Variants in TMEM131 observed in about 807,000 individuals in gnomAD.
The protein encoded by TMEM131 is transmembrane protein 131.
In TMEM131, 66 loss-of-function variants were observed where a neutral mutation model predicts 211.6. The observed-to-expected ratio is 0.31, with a 90% CI of 0.26 to 0.38. The LOEUF (loss-of-function observed/expected upper bound fraction) is 0.38. Ranked by LOEUF, TMEM131 falls within the 10% of genes least tolerant of loss-of-function variation. TMEM131 has a pLI of 1.00. For missense variants in TMEM131, 2,036 were observed against 2,299.3 expected, an observed-to-expected ratio of 0.89 and a Z score of 2.34; for synonymous variants, 844 against 841.3, an observed-to-expected ratio of 1.00 and a Z score of -0.06.
intron 3 of TMEM131, among the ~76,000 whole-genome samples, chr2:97,893,160 TG>T (rs1315174597): frequency 6.6e-6 from 1 of 152,160 alleles, no homozygotes; most frequent in African/African-American, 2.4e-5. Flanking sequence ...TCTGTTCTTG[TG>T]TTAGTTTGCT....
intron 11 of TMEM131, among the ~76,000 whole-genome samples, chr2:97,824,842 C>T (rs2105022809): frequency 6.6e-6 from 1 of 152,340 alleles, no homozygotes; most frequent in Middle Eastern, 3.4e-3. Context: ...ATGCAGCAGT[C>T]CCTGCAACAC....
chr2:97,894,567 G>T (rs1279884952), intron 3 of TMEM131, among the ~76,000 whole-genome samples: 2 of 152,142 alleles, frequency 1.3e-5, no homozygotes, highest in African/African-American at 4.8e-5. Flanking sequence ...TTGAGCAGTG[G>T]TTTGTAGTTC....
chr2:97,855,227 A>G (rs75053857), intron 5 of TMEM131, among the ~76,000 whole-genome samples: 2,134 of 152,332 alleles, frequency 0.014, 139 homozygotes, highest in East Asian at 0.1. Context: ...AAAAGTAACA[A>G]GTGCTTATTT....
intron 1 of TMEM131, among the ~76,000 whole-genome samples, chr2:97,950,376 A>G (rs570864332): frequency 1.3e-5 from 2 of 152,212 alleles, no homozygotes; most frequent in Non-Finnish European, 2.9e-5. Context: ...CAATTTAAAA[A>G]CAGTCAAAGT....
intron 1 of TMEM131, among the ~76,000 whole-genome samples, chr2:97,967,499 T>C (rs1679109454): frequency 6.6e-6 from 1 of 150,620 alleles, no homozygotes; most frequent in Non-Finnish European, 1.5e-5. Flanking sequence ...TACAGACAAA[T>C]TGTCAGAAAG....
Position 97,762,194 on chromosome 2 carries a change from T to C in TMEM131, c.4730A>G (p.Asp1577Gly). 2 of 1,613,968 alleles carry C rather than the reference T, an allele frequency of 1.2e-6. No homozygotes were observed. Among genetic ancestry groups the C allele is most frequent in the Non-Finnish European group, 1.7e-6 (2 of 1,179,876 alleles). ...TTGCAGAGAAAGTTTATAAAGACTA[T>C]CAGTAGCTGGAAATTAAAAACAAAC... ...VPVHKPGSST[D>G]SLYKLSLQTL... Residue 1577 changes from aspartate (D) to glycine (G), a missense_variant, in exon 36 of 41, where the codon GAT (aspartate) becomes GGT (glycine). This residue lies in a region of TMEM131 where 1,623 missense variants were observed against 1,805.9 expected (regional missense o/e 0.90). Transcript: ENST00000186436.
intron 1 of TMEM131, among the ~76,000 whole-genome samples, chr2:97,931,135 CA>C (rs1272838704): frequency 6.6e-6 from 1 of 151,678 alleles, no homozygotes; most frequent in Admixed American, 6.6e-5. Context: ...TTTAATTGGG[CA>C]TATATTTCTG....
rs762513187 is a variant in TMEM131 at position 97,760,687 on chromosome 2, C to T, written c.5014G>A (p.Gly1672Arg). 7 of 1,613,982 alleles carry T rather than the reference C, an allele frequency of 4.3e-6. No homozygotes were observed. The highest frequency in any genetic ancestry group is 4.2e-6 in the Non-Finnish European group (5 of 1,179,888). ...VTAGYDKSPG[G>R]NGFAKVSSNK... ...GAAGAAACTTTAGCAAAGCCATTCC[C>T]ACCTGTAACAATGGACGTTCAATCA... is the stretch of plus-strand genomic sequence containing the variant. Residue 1672 changes from glycine to arginine, a missense_variant and splice_region_variant, in exon 38 of 41, where the codon GGG becomes AGG. Physicochemically the swap from Gly to Arg is moderately radical, Grantham distance 125 (BLOSUM62 -2). Around this residue, in one of 3 missense-constraint regions of TMEM131, gnomAD observed 1,623 missense variants for 1,805.9 expected, o/e 0.90. Coordinates refer to ENST00000186436, the MANE Select transcript of TMEM131 (RefSeq NM_015348.2).
chr2:97,775,250 C>T lies in TMEM131; in HGVS notation c.4320+593G>A, dbSNP rs552650376. ...CTGCTGTGATAACAGCCCTGGGAGC[C>T]GAGGCCTCCAACGGGCGAGGCAGCT... On this transcript the variant is annotated intron_variant, in intron 32 of 40. Transcript: ENST00000186436. 8.7e-4 allele frequency among the ~76,000 whole-genome samples: 132 copies of T among 152,242 alleles called. 1 individual carries two copies. Among genetic ancestry groups the T allele is most frequent in the African/African-American group, 3.0e-3 (123 of 41,532 alleles).
intron 3 of TMEM131, among the ~76,000 whole-genome samples, chr2:97,894,505 A>G (rs1343735844): frequency 6.6e-6 from 1 of 152,148 alleles, no homozygotes; most frequent in Non-Finnish European, 1.5e-5. Flanking sequence ...GATTCTTCCT[A>G]TCCATAAGCA....
chr2:97,965,278 GATTA>G (rs1482277057), intron 1 of TMEM131, among the ~76,000 whole-genome samples: 3 of 152,224 alleles, frequency 2.0e-5, no homozygotes, highest in South Asian at 2.1e-4. Context: ...CTCCTTCACC[GATTA>G]ATTCTTTTCC....
At chr2:97,815,123 TGCAGGTCATTTA>T in intron 13 of TMEM131, 64 bp downstream of exon 13, 1 of 772,112 alleles carries the variant, frequency 1.3e-6, no homozygotes, top group Non-Finnish European at 1.9e-6. Flanking sequence ...CTAGTATTTC[TGCAGGTCATTTA>T]GCAGGAAAAT....
intron 17 of TMEM131, 77 bp from the exon 18 acceptor site, chr2:97,811,309 A>G: frequency 1.9e-6 from 2 of 1,079,466 alleles, no homozygotes; most frequent in Non-Finnish European, 2.9e-6. Context: ...TGAAGGGTGT[A>G]GCGATAAAAT....
chr2:97,925,552 C>T (rs911810974), intron 2 of TMEM131, among the ~76,000 whole-genome samples: 2 of 152,184 alleles, frequency 1.3e-5, no homozygotes, highest in East Asian at 3.9e-4. Flanking sequence ...ATATTCATAA[C>T]AAGTGCAAAC....
intron 5 of TMEM131, among the ~76,000 whole-genome samples, chr2:97,847,759 C>T (rs1332689755): frequency 6.6e-6 from 1 of 152,090 alleles, no homozygotes; most frequent in Non-Finnish European, 1.5e-5. Context: ...TGGTATCGTA[C>T]TAATGCTAGT....
intron 7 of TMEM131, among the ~76,000 whole-genome samples, chr2:97,838,371 C>G (rs551647834): frequency 2.7e-5 from 4 of 150,830 alleles, no homozygotes; most frequent in Admixed American, 2.0e-4. Context: ...AAGAAGTCCT[C>G]CAGGAGTGAA....
chr2:97,810,202 A>T (rs1282896412), intron 18 of TMEM131, among the ~76,000 whole-genome samples: 1 of 152,190 alleles, frequency 6.6e-6, no homozygotes, highest in Non-Finnish European at 1.5e-5. Flanking sequence ...ATACAGAAAT[A>T]GACATCAACC....
At chr2:97,924,628 G>A (rs940721939) in intron 2 of TMEM131, among the ~76,000 whole-genome samples, 4 of 152,208 alleles carry the variant, frequency 2.6e-5, no homozygotes, top group Non-Finnish European at 5.9e-5. Context: ...TGAGGCCCAG[G>A]TGAGTTCGTT....
intron 1 of TMEM131, among the ~76,000 whole-genome samples, chr2:97,938,819 A>G (rs1203519322): frequency 2.0e-5 from 3 of 152,234 alleles, no homozygotes; most frequent in African/African-American, 7.2e-5. Context: ...AGAAATTATA[A>G]CAAACTGTCT....
Sources: gnomAD v4.1 joint callset for allele counts (sites outside exome capture counted in the v4.1 genomes callset) on GRCh38, gnomAD v4.1.1 for gene constraint, gnomAD v4.1.1 regional missense constraint, MANE v1.5 for transcripts, NCBI Gene and HGNC (gene_info 2026-07-23, HGNC 2026-07-21) for gene names.